EIF4E1B: variants seen among roughly 807,000 people sequenced by gnomAD.
EIF4E1B encodes eukaryotic translation initiation factor 4E type 1B.
In EIF4E1B, 22 loss-of-function variants were observed where a neutral mutation model predicts 31.3. The observed-to-expected ratio is 0.70, with a 90% CI of 0.50 to 1.00. The LOEUF (loss-of-function observed/expected upper bound fraction) is 1.00. Among genes scored for constraint, EIF4E1B ranks in the 50% least tolerant of loss-of-function variants. EIF4E1B has a pLI of 0.00. For missense variants in EIF4E1B, 290 were observed against 311.6 expected (o/e 0.93, Z 0.52); for synonymous variants, 126 against 120.2 (o/e 1.05, Z -0.31).
Position 176,639,326 on chromosome 5 carries a change from TAAGAGCCCC to T in EIF4E1B, c.-201-2716_-201-2708del, listed in dbSNP as rs1480767624. Among the ~76,000 whole-genome samples, 2 of 152,162 alleles carry T rather than the reference TAAGAGCCCC, an allele frequency of 1.3e-5. 1 individual carries two copies. Among genetic ancestry groups the T allele is most frequent in the African/African-American group, 4.8e-5 (2 of 41,424 alleles). On this transcript the variant is annotated intron_variant, in intron 1 of 8. Transcript: ENST00000318682. ...GGAACAGGATGGTAGGGCTGGGATTTAAGAGCCCCTGCTGGTTCAATCCCAGCATGAAGA... is the reference window on the plus strand; with the variant it reads ...GGAACAGGATGGTAGGGCTGGGATTTTGCTGGTTCAATCCCAGCATGAAGA...
At chr5:176,644,802 A>G (rs1194867744) in intron 6 of EIF4E1B, among the ~76,000 whole-genome samples, 4 of 152,184 alleles carry the variant, frequency 2.6e-5, no homozygotes, top group Non-Finnish European at 5.9e-5. Flanking sequence ...CTGCCTGGGA[A>G]CCATGCAGCC....
chr5:176,643,608 C>T (rs866454413), intron 4 of EIF4E1B, 31 bp from the exon 5 acceptor site: 2 of 1,577,368 alleles, frequency 1.3e-6, no homozygotes, highest in East Asian at 2.3e-5. Context: ...CTCTCTGCTT[C>T]CTCCTGGCTG....
intron 4 of EIF4E1B, 88 bp from the exon 5 acceptor site, chr5:176,643,551 G>A: frequency 7.6e-7 from 1 of 1,311,178 alleles, no homozygotes; most frequent in Non-Finnish European, 1.1e-6. Context: ...CGCCCTTGAA[G>A]GGGAGGGTCC....
chr5:176,640,880 G>A (rs1760564989), intron 1 of EIF4E1B, among the ~76,000 whole-genome samples: 1 of 152,166 alleles, frequency 6.6e-6, no homozygotes, highest in Non-Finnish European at 1.5e-5. Context: ...TCCCAGAGAT[G>A]CCCTCCCCGA....
chr5:176,635,161 G>C (rs1760473606), intron 1 of EIF4E1B, among the ~76,000 whole-genome samples: 1 of 152,068 alleles, frequency 6.6e-6, no homozygotes, highest in Non-Finnish European at 1.5e-5. Flanking sequence ...GGGGTGGCCA[G>C]AAGCAGAGGA....
rs1760666216 is a variant in EIF4E1B, at chr5:176,645,014, AAG to A, written c.361-112_361-111del. On this transcript the variant is annotated intron_variant, in intron 6 of 8. Transcript: ENST00000318682. This position sits in a 1 kb window ranked among gnomAD's most constrained non-coding sequence, Gnocchi z 5.4. ...TGCTTGCACTGAGGGAAGGGAGGAT[AAG>A]AGAATCTGGCCTACTTAGGGCCTCA... 2 of 872,498 alleles carry A rather than the reference AAG, an allele frequency of 2.3e-6. No homozygotes were observed. The highest frequency in any genetic ancestry group is 3.4e-5 in the African/African-American group (2 of 59,330). The allele number at this position is 872,498 out of a possible 1,614,324, so 54.0% of individuals were successfully genotyped here. A position where few individuals can be genotyped will look rare whatever the true frequency, so the allele number is the denominator to read the frequency against.
intron 6 of EIF4E1B, chr5:176,644,725 C>T (rs1037618230): frequency 3.9e-6 from 2 of 517,340 alleles, no homozygotes; most frequent in African/African-American, 3.9e-5. Flanking sequence ...TGAGGACACT[C>T]ATTGATGCCA....
chr5:176,634,659 GTT>G (rs879935832), intron 1 of EIF4E1B, among the ~76,000 whole-genome samples: 11 of 136,238 alleles, frequency 8.1e-5, no homozygotes, highest in African/African-American at 2.7e-4. Context: ...AATTCCTGAA[GTT>G]TTTTTTTTTT....
Position 176,630,904 on chromosome 5 carries a change from G to A in EIF4E1B, c.-362G>A, listed in dbSNP as rs2171450. ...ACTGAGCGCTTAGTCCAGTGGTGCA[G>A]GTTTAAGGCTGGAGGCAGCGGAAAA... On this transcript the variant is annotated 5_prime_UTR_variant, in exon 1 of 9. Transcript: ENST00000318682. The A allele has an allele frequency of 6.6e-6, 1 of 152,478 alleles. No individual in the cohort carries two copies. The highest frequency in any genetic ancestry group is 1.5e-5 in the Non-Finnish European group (1 of 68,074). The allele number at this position is 152,478 out of a possible 1,614,324, so 9.4% of individuals were successfully genotyped here.
chr5:176,639,740 TATTGAGACCTCATCTCTATTTTTTTTTTA>T (rs1191642563), intron 1 of EIF4E1B, among the ~76,000 whole-genome samples: 1 of 151,930 alleles, frequency 6.6e-6, no homozygotes, highest in Non-Finnish European at 1.5e-5. Flanking sequence ...CTAGGCCACA[TATTGAGACCTCATCTCTATTTTTTTTTTA>T]ATTGAAAATT....
Position 176,645,267 on chromosome 5 carries a change from CAG to C in EIF4E1B, c.474+25_474+26del, listed in dbSNP as rs774295365. 14 of 1,604,902 alleles carry C rather than the reference CAG, an allele frequency of 8.7e-6. No homozygotes were observed. The Admixed American group carries it at 1.5e-4, about 18-fold the overall frequency. ...CGGTGAGTTGGAGGAGGAGGGTCCT[CAG>C]GGGAAGAGACGGGCTGTGTGGGTCT... On this transcript the variant is annotated intron_variant, in intron 7 of 8. Coordinates refer to ENST00000318682, the MANE Select transcript of EIF4E1B (RefSeq NM_001099408.2). This position sits in a 1 kb window ranked among gnomAD's most constrained non-coding sequence, Gnocchi z 5.4.
Position 176,646,187 on chromosome 5 carries a change from T to G in EIF4E1B, c.*207T>G. 5 of 521,590 alleles carry G rather than the reference T, an allele frequency of 9.6e-6. No homozygotes were observed. The highest frequency in any genetic ancestry group is 1.4e-5 in the Non-Finnish European group (4 of 287,186). 32.3% of individuals were successfully genotyped at this position (521,590 alleles called of 1,614,324 possible). A position where few individuals can be genotyped will look rare whatever the true frequency, so the allele number is the denominator to read the frequency against. ...GGTGGCAGTCTGAGGACCTAGCTTG[T>G]CCTGGGGCCACAGGACAGCAGCAGG... is the stretch of plus-strand genomic sequence containing the variant. On this transcript the variant is annotated 3_prime_UTR_variant, in exon 9 of 9. Transcript: ENST00000318682.
intron 1 of EIF4E1B, among the ~76,000 whole-genome samples, chr5:176,634,995 T>C (rs1760470420): frequency 1.3e-5 from 2 of 152,090 alleles, no homozygotes; most frequent in Admixed American, 1.3e-4. Context: ...ACAATTGTTC[T>C]TGTGAGCCAA....
Position 176,646,229 on chromosome 5 carries a change from A to AGG in EIF4E1B, c.*251_*252dup, listed in dbSNP as rs753555188. On this transcript the variant is annotated 3_prime_UTR_variant, in exon 9 of 9. Transcript: ENST00000318682. ...AGCAGCAGGGTGGAAAAAACTCCTG[A>AGG]GGGTGGGGTGAGTCATGGCGGGGAA... 1.6e-5 allele frequency: 7 copies of AGG among 442,062 alleles called. No individual in the cohort carries two copies. The highest frequency in any genetic ancestry group is 2.5e-5 in the Non-Finnish European group (6 of 242,034). The allele number at this position is 442,062 out of a possible 1,614,324, so 27.4% of individuals were successfully genotyped here.
Position 176,646,092 on chromosome 5 carries a change from A to G in EIF4E1B, c.*112A>G, listed in dbSNP as rs981247769. 1 of 892,916 alleles carries G rather than the reference A, an allele frequency of 1.1e-6. No homozygotes were observed. Among genetic ancestry groups the G allele is most frequent in the African/African-American group, 1.7e-5 (1 of 59,178 alleles). 55.3% of individuals were successfully genotyped at this position (892,916 alleles called of 1,614,324 possible). On this transcript the variant is annotated 3_prime_UTR_variant, in exon 9 of 9. Coordinates refer to ENST00000318682, the MANE Select transcript of EIF4E1B (RefSeq NM_001099408.2). The stretch of plus-strand genomic sequence containing the variant: ...ACAGCCTAGTTCTTACCTGTCCTCA[A>G]GTGAACAGGAATGCAAACACTCTTT...
In EIF4E1B at chr5:176,638,764, GGTTTGTTTGTTT is replaced by G. The variant is rs61081946; in HGVS notation, c.-201-3262_-201-3251del. On this transcript the variant is annotated intron_variant, in intron 1 of 8. Coordinates refer to ENST00000318682, the MANE Select transcript of EIF4E1B (RefSeq NM_001099408.2). This position sits in a 1 kb window ranked among gnomAD's most constrained non-coding sequence, Gnocchi z 4.3. ...TGGATCACATCCTGGGTGTCCTGGAGGTTTGTTTGTTTGTTTGTTTGTTTGTTTAAATGCAGT... is the reference window on the plus strand; with the variant it reads ...TGGATCACATCCTGGGTGTCCTGGAGGTTTGTTTGTTTGTTTAAATGCAGT... Among the ~76,000 whole-genome samples, 1 of 151,902 alleles carries G rather than the reference GGTTTGTTTGTTT, an allele frequency of 6.6e-6. No homozygotes were observed. The highest frequency in any genetic ancestry group is 6.5e-5 in the Admixed American group (1 of 15,268).
Position 176,645,596 on chromosome 5 carries a change from G to T in EIF4E1B, c.614+80G>T. 1.4e-6 allele frequency: 2 copies of T among 1,446,934 alleles called. No homozygotes were observed. The highest frequency in any genetic ancestry group is 2.5e-5 in the East Asian group (1 of 40,718). The allele number at this position is 1,446,934 out of a possible 1,614,324, so 89.6% of individuals were successfully genotyped here. A position where few individuals can be genotyped will look rare whatever the true frequency, so the allele number is the denominator to read the frequency against. ...TGGGTGGAGGGGGCTTGGCCTGCAT[G>T]GGAGACCTCTGAAAGTCTCCATAGC... On this transcript the variant is annotated intron_variant, in intron 8 of 8. Coordinates refer to ENST00000318682, the MANE Select transcript of EIF4E1B (RefSeq NM_001099408.2). The surrounding 1 kb of genome is among the most constrained non-coding windows in gnomAD (Gnocchi z 5.4).
chr5:176,643,965 C>T, intron 5 of EIF4E1B: 1 of 586,584 alleles, frequency 1.7e-6, no homozygotes, highest in Non-Finnish European at 3.0e-6. Flanking sequence ...CTTGACTCGG[C>T]CACTCCAGGG....
chr5:176,643,496 T>A, intron 4 of EIF4E1B, 143 bp from the exon 5 acceptor site: 1 of 883,338 alleles, frequency 1.1e-6, no homozygotes, highest in Non-Finnish European at 1.8e-6. Flanking sequence ...CTGATTTCAT[T>A]CACCTGAGAG....
Sources: gnomAD v4.1 joint callset for allele counts (sites outside exome capture counted in the v4.1 genomes callset) on GRCh38, gnomAD v4.1.1 for gene constraint, Gnocchi (gnomAD v3.1) non-coding constraint, MANE v1.5 for transcripts, NCBI Gene and HGNC (gene_info 2026-07-23, HGNC 2026-07-21) for gene names.